The following ODAD2 variants were observed in gnomAD, a reference collection of about 807,000 sequenced individuals.
ODAD2 encodes the protein outer dynein arm-docking complex subunit 2.
ODAD2 carries 89 observed loss-of-function variants against 106.8 expected under a neutral mutation model. The observed-to-expected ratio is 0.83, with a 90% CI of 0.70 to 0.99. The LOEUF is 0.99. Ranked by LOEUF, ODAD2 falls within the 50% of genes least tolerant of loss-of-function variation. The pLI is 0.00. For synonymous variants in ODAD2, 404 were observed against 436.2 expected, an observed-to-expected ratio of 0.93 and a Z score of 0.92; for missense variants, 1,168 against 1,238.5, an observed-to-expected ratio of 0.94 and a Z score of 0.85.
At chr10:27,917,586 C>A (rs1334670529) in intron 16 of ODAD2, among the ~76,000 whole-genome samples, 2 of 152,044 alleles carry the variant, frequency 1.3e-5, no homozygotes, top group East Asian at 3.9e-4. Context: ...AAAGTAGGTT[C>A]TTTTAAAAGG....
At chr10:27,912,747 A>G (rs1844095247) in intron 16 of ODAD2, among the ~76,000 whole-genome samples, 2 of 152,340 alleles carry the variant, frequency 1.3e-5, no homozygotes, top group African/African-American at 2.4e-5. Flanking sequence ...ACGTTCTTAA[A>G]CCACAACATT....
At chr10:27,939,096 G>T (rs540361457) in intron 14 of ODAD2, among the ~76,000 whole-genome samples, 1 of 152,116 alleles carries the variant, frequency 6.6e-6, no homozygotes, top group Non-Finnish European at 1.5e-5. Flanking sequence ...CAAAAAGTTA[G>T]TGTAGATTAC....
chr10:27,881,508 G>A (rs559675634), intron 17 of ODAD2, among the ~76,000 whole-genome samples: 41 of 151,818 alleles, frequency 2.7e-4, no homozygotes, highest in African/African-American at 8.7e-4. Context: ...ATAGTGGCAC[G>A]CACCTGTAGT....
At chr10:27,956,891 T>C (rs896051646) in intron 10 of ODAD2, among the ~76,000 whole-genome samples, 1 of 152,224 alleles carries the variant, frequency 6.6e-6, no homozygotes, top group Non-Finnish European at 1.5e-5. Context: ...TTATAACATA[T>C]AGTACTTGTA....
Position 27,860,796 on chromosome 10 carries a change from A to G in ODAD2, c.2850T>C (p.Cys950=). The change falls in exon 19 of 20, where the codon TGT becomes TGC. Residue 950 remains cysteine, a synonymous_variant. Transcript: ENST00000305242. ...HHLAEAISRC[C]MWGRNRVAFG... is the part of the protein sequence containing the mutation. ...AGGCCACTCTATTCCTGCCCCACAT[A>G]CAGCAACGTGAAATAGCTTCTGCTA... The G allele has an allele frequency of 6.2e-7, 1 of 1,614,180 alleles. No homozygotes were observed. Among genetic ancestry groups the G allele is most frequent in the Non-Finnish European group, 8.5e-7 (1 of 1,180,016 alleles).
chr10:27,889,200 G>A, intron 17 of ODAD2, among the ~76,000 whole-genome samples: 1 of 152,168 alleles, frequency 6.6e-6, no homozygotes, highest in East Asian at 1.9e-4. Flanking sequence ...CTTATATGAA[G>A]CTGTGTGCCT....
At chr10:27,953,555 T>C (rs1325945890) in intron 10 of ODAD2, among the ~76,000 whole-genome samples, 1 of 152,122 alleles carries the variant, frequency 6.6e-6, no homozygotes, top group Non-Finnish European at 1.5e-5. Context: ...ATGTTATCAA[T>C]AAGGCAATTG....
intron 2 of ODAD2, among the ~76,000 whole-genome samples, chr10:27,990,973 G>T (rs1850198799): frequency 6.6e-6 from 1 of 152,030 alleles, no homozygotes; most frequent in Non-Finnish European, 1.5e-5. Context: ...AAAAAAATCA[G>T]GTAATAACAT....
At chr10:27,842,699 G>T (rs1172044048) in intron 19 of ODAD2, among the ~76,000 whole-genome samples, 3 of 151,750 alleles carry the variant, frequency 2.0e-5, no homozygotes, top group African/African-American at 7.3e-5. Context: ...ATTTAAATAT[G>T]CTGAAAGAAA....
At chr10:27,833,182 A>G (rs1837614463) in intron 19 of ODAD2, among the ~76,000 whole-genome samples, 1 of 152,200 alleles carries the variant, frequency 6.6e-6, no homozygotes, top group South Asian at 2.1e-4. Flanking sequence ...TGCATTCTCA[A>G]ATACAGTGCA....
At chr10:27,904,831 T>G (rs1256605079) in intron 17 of ODAD2, among the ~76,000 whole-genome samples, 4 of 152,190 alleles carry the variant, frequency 2.6e-5, no homozygotes, top group African/African-American at 9.7e-5. Context: ...ATAAATCAAC[T>G]TGGAGGGAAT....
intron 19 of ODAD2, among the ~76,000 whole-genome samples, chr10:27,860,121 A>C (rs2133317816): frequency 6.6e-6 from 1 of 152,336 alleles, no homozygotes; most frequent in South Asian, 2.1e-4. Flanking sequence ...ATTTAGAAAA[A>C]TTCTATCTCC....
At chr10:27,881,282 C>A (rs1841688145) in intron 17 of ODAD2, among the ~76,000 whole-genome samples, 1 of 151,882 alleles carries the variant, frequency 6.6e-6, no homozygotes, top group Non-Finnish European at 1.5e-5. Context: ...TGTCATTAAC[C>A]CTTATGAATG....
intron 11 of ODAD2, 124 bp downstream of exon 11, chr10:27,944,692 A>G (rs1416315955): frequency 1.2e-5 from 15 of 1,216,104 alleles, no homozygotes; most frequent in African/African-American, 1.5e-5. Context: ...TCAGCAGGTC[A>G]TCAGCAATAA....
At chr10:27,868,243 G>C (rs998627780) in intron 17 of ODAD2, among the ~76,000 whole-genome samples, 3 of 152,176 alleles carry the variant, frequency 2.0e-5, no homozygotes, top group African/African-American at 7.2e-5. Flanking sequence ...GTGTAAATTA[G>C]TTTAACCATT....
chr10:27,862,683 A>G, intron 17 of ODAD2, 61 bp from the exon 18 acceptor site: 11 of 1,292,228 alleles, frequency 8.5e-6, no homozygotes, highest in Non-Finnish European at 1.2e-5. Flanking sequence ...GCATTTTTTA[A>G]GAGGCAGAAA....
chr10:27,849,740 A>AT (rs1839101888), intron 19 of ODAD2, among the ~76,000 whole-genome samples: 1 of 152,222 alleles, frequency 6.6e-6, no homozygotes, highest in African/African-American at 2.4e-5. Flanking sequence ...TCTATCATAG[A>AT]GAAGCAAAGT....
At chr10:27,917,791 T>C (rs1350057174) in intron 16 of ODAD2, among the ~76,000 whole-genome samples, 1 of 151,822 alleles carries the variant, frequency 6.6e-6, no homozygotes. Flanking sequence ...TAATGGACCA[T>C]GGTCCTCCCA....
chr10:27,934,111 TTC>T (rs1199476999), intron 16 of ODAD2, among the ~76,000 whole-genome samples: 3 of 152,156 alleles, frequency 2.0e-5, no homozygotes, highest in Non-Finnish European at 4.4e-5. Flanking sequence ...CTCTTCTCTA[TTC>T]CCTGCCACCA....
Sources: allele counts gnomAD v4.1 joint callset (sites outside exome capture counted in the v4.1 genomes callset), GRCh38; gene constraint gnomAD v4.1.1; transcripts MANE v1.5; gene names NCBI Gene and HGNC (gene_info 2026-07-23, HGNC 2026-07-21).